CASK: variants seen among roughly 807,000 people sequenced by gnomAD.
The protein encoded by CASK is calcium/calmodulin dependent serine protein kinase.
Under a neutral mutation model 82.9 loss-of-function variants are expected in CASK, and 4 were observed. The ratio of observed to expected loss-of-function variants is 0.05; its 90% CI spans 0.02 to 0.11. The LOEUF is 0.11. Among genes scored for constraint, CASK ranks in the 10% least tolerant of loss-of-function variants. The pLI is 1.00. For missense variants in CASK, 358 were observed against 720.9 expected (o/e 0.50, Z 5.76); for synonymous variants, 259 against 253.5 (o/e 1.02, Z -0.20).
chrX:41,774,715 C>T (rs1252211489), intron 3 of CASK, among the ~76,000 whole-genome samples: 1 of 109,318 alleles, frequency 9.1e-6, no homozygotes, highest in Non-Finnish European at 1.9e-5. Context: ...GAACAGAGCC[C>T]TCAGAAATAA....
intron 2 of CASK, among the ~76,000 whole-genome samples, chrX:41,837,039 T>C (rs184277286): frequency 1.2e-4 from 14 of 112,390 alleles, no homozygotes; most frequent in Non-Finnish European, 2.4e-4. Flanking sequence ...ATTTGGAATG[T>C]TTGGAAACCA....
At chrX:41,618,761 C>A (rs1003877044) in intron 11 of CASK, among the ~76,000 whole-genome samples, 6 of 109,700 alleles carry the variant, frequency 5.5e-5, no homozygotes, top group Middle Eastern at 4.3e-3. Context: ...CCCACAAAAT[C>A]ATGTTTTATC....
chrX:41,566,487 T>C (rs1463051427), intron 16 of CASK, among the ~76,000 whole-genome samples: 1 of 111,460 alleles, frequency 9.0e-6, no homozygotes, highest in Non-Finnish European at 1.9e-5. Context: ...CATTCACAAT[T>C]GCTACAAAGA....
intron 3 of CASK, among the ~76,000 whole-genome samples, chrX:41,785,517 C>G (rs190766752): frequency 8.9e-6 from 1 of 112,042 alleles, no homozygotes. Flanking sequence ...TTCCATTCAG[C>G]GCTTTTTAAG....
At chrX:41,745,430 A>G in intron 4 of CASK, 94 bp downstream of exon 4, 1 of 591,483 alleles carries the variant, frequency 1.7e-6, no homozygotes, top group Non-Finnish European at 2.9e-6. Flanking sequence ...AAAGAGCAGC[A>G]GCATGCTCTT....
chrX:41,751,382 T>C (rs748882726), intron 3 of CASK, among the ~76,000 whole-genome samples: 1 of 111,711 alleles, frequency 9.0e-6, no homozygotes, highest in African/African-American at 3.2e-5. Context: ...GTATGAGCCA[T>C]TGTGCCCAGT....
At chrX:41,536,091 A>G (rs901321097) in intron 22 of CASK, among the ~76,000 whole-genome samples, 1 of 111,471 alleles carries the variant, frequency 9.0e-6, no homozygotes. Flanking sequence ...ATGATGTAAT[A>G]AAGGAATCTG....
intron 2 of CASK, among the ~76,000 whole-genome samples, chrX:41,800,489 TTTTTC>T (rs918801070): frequency 8.5e-4 from 95 of 111,270 alleles, no homozygotes; most frequent in African/African-American, 2.8e-3. Flanking sequence ...TTATTTTTAT[TTTTTC>T]TTTTCTTTTC....
rs750930139 is a variant in CASK, at chrX:41,667,415, A to G, written c.533-1963T>C. On this transcript the variant is annotated intron_variant, in intron 6 of 26. Transcript: ENST00000378163. Reference sequence around the variant, plus strand: ...TTGACCACAAAATTTTAAGAAAAGGAAACAAATTAGCAAACTAAATTAAAT... The same window carrying G: ...TTGACCACAAAATTTTAAGAAAAGGGAACAAATTAGCAAACTAAATTAAAT... Among the ~76,000 whole-genome samples, 186 of 112,009 alleles carry G rather than the reference A, an allele frequency of 1.7e-3. 3 individuals carry two copies. Among genetic ancestry groups the G allele is most frequent in the Non-Finnish European group, 2.3e-3 (122 of 53,258 alleles).
intron 16 of CASK, among the ~76,000 whole-genome samples, chrX:41,564,538 G>A (rs757529502): frequency 7.2e-5 from 8 of 111,216 alleles, no homozygotes; most frequent in African/African-American, 2.0e-4. Context: ...TTTAGATTCC[G>A]TTTAAAAACA....
rs1178495475 is a variant in CASK at position 41,605,441 on chromosome X, C to CA, written c.1155+4462dup. On this transcript the variant is annotated intron_variant, in intron 12 of 26. Coordinates refer to ENST00000378163, the MANE Select transcript of CASK (RefSeq NM_001367721.1). ...GCAAACATGGTGAGACCTGTCTCTT[C>CA]AAAAAAAAAAAAGGGCTGAGTGTGG... 3.6e-3 allele frequency among the ~76,000 whole-genome samples: 343 copies of CA among 94,570 alleles called. 3 individuals are homozygous for CA. Among genetic ancestry groups the CA allele is most frequent in the African/African-American group, 6.8e-3 (177 of 25,842 alleles). The allele number at this position is 94,570 out of a possible 115,157, so 82.1% of individuals were successfully genotyped here.
In CASK at chrX:41,912,454, C is replaced by T. The variant is rs1188853545; in HGVS notation, c.59+10476G>A. Among the ~76,000 whole-genome samples the T allele has an allele frequency of 8.4e-5, 9 of 106,984 alleles. No individual in the cohort carries two copies. In the South Asian group the frequency reaches 1.3e-3, roughly 15 times the overall value. 92.9% of individuals were successfully genotyped at this position (106,984 alleles called of 115,157 possible). A position where few individuals can be genotyped will look rare whatever the true frequency, so the allele number is the denominator to read the frequency against. On this transcript the variant is annotated intron_variant, in intron 1 of 26. Coordinates refer to ENST00000378163, the MANE Select transcript of CASK (RefSeq NM_001367721.1). Reference sequence around the variant, plus strand: ...TCCCAAGTAGCTGGGATTACAGGCACGCACCACCATGCCCAGCTAATATTT... The same window carrying T: ...TCCCAAGTAGCTGGGATTACAGGCATGCACCACCATGCCCAGCTAATATTT...
intron 1 of CASK, among the ~76,000 whole-genome samples, chrX:41,903,615 G>A (rs1169026218): frequency 9.0e-6 from 1 of 111,503 alleles, no homozygotes; most frequent in African/African-American, 3.3e-5. Context: ...GGCAACAAAG[G>A]GTAAAATTAC....
intron 3 of CASK, chrX:41,748,548 G>A (rs2068733802): frequency 4.4e-6 from 1 of 225,939 alleles, no homozygotes. Context: ...CTGGCATTAT[G>A]GACCATGAAG....
At chrX:41,812,706 C>T (rs987797526) in intron 2 of CASK, among the ~76,000 whole-genome samples, 11 of 111,782 alleles carry the variant, frequency 9.8e-5, no homozygotes, top group African/African-American at 2.9e-4. Context: ...TCTCTCACCA[C>T]ACCTATTCAA....
At chrX:41,742,004 A>G (rs756062150) in intron 4 of CASK, among the ~76,000 whole-genome samples, 1 of 112,181 alleles carries the variant, frequency 8.9e-6, no homozygotes, top group South Asian at 3.7e-4. Context: ...TCAGGGGTGC[A>G]GCATGGTAGA....
At chrX:41,728,190 A>C (rs2068303477) in intron 5 of CASK, 1 of 360,454 alleles carries the variant, frequency 2.8e-6, no homozygotes. Context: ...ATATATTCAT[A>C]AAACTCAAAA....
chrX:41,796,140 G>A lies in CASK; in HGVS notation c.173-8857C>T, dbSNP rs141548817. Among the ~76,000 whole-genome samples the A allele has an allele frequency of 9.5e-3, 1,070 of 112,149 alleles. 15 individuals carry two copies. The highest frequency in any genetic ancestry group is 0.033 in the African/African-American group (1,013 of 30,865). On this transcript the variant is annotated intron_variant, in intron 2 of 26. Transcript: ENST00000378163. ...TAAGCACTAACACATTCTGCTGGCA[G>A]GCAGTTATGATATAATAGATAGGGC...
At chrX:41,823,292 G>T (rs1188980707) in intron 2 of CASK, among the ~76,000 whole-genome samples, 1 of 107,812 alleles carries the variant, frequency 9.3e-6, no homozygotes, top group Non-Finnish European at 1.9e-5. Context: ...TCCACCTGCT[G>T]CCTATCGAAG....
Sources: allele counts gnomAD v4.1 joint callset (sites outside exome capture counted in the v4.1 genomes callset), GRCh38; gene constraint gnomAD v4.1.1; transcripts MANE v1.5; gene names NCBI Gene and HGNC (gene_info 2026-07-23, HGNC 2026-07-21).